INVS: variants seen among roughly 807,000 people sequenced by gnomAD.
INVS encodes the protein inversion of embryo turning homolog.
INVS carries 86 observed loss-of-function variants against 108.8 expected under a neutral mutation model. The observed-to-expected ratio is 0.79, with a 90% CI of 0.66 to 0.95. INVS has a LOEUF of 0.95. INVS is among the 40% of genes least tolerant of loss of function. The pLI is 0.00. For missense variants in INVS, 1,169 were observed against 1,297.4 expected (o/e 0.90, Z 1.52); for synonymous variants, 455 against 473.5 (o/e 0.96, Z 0.51).
At chr9:100,267,512 T>G (rs1339340694) in intron 11 of INVS, among the ~76,000 whole-genome samples, 1 of 152,236 alleles carries the variant, frequency 6.6e-6, no homozygotes, top group Non-Finnish European at 1.5e-5. Flanking sequence ...CCACATTGTT[T>G]CTTGGTTGGT....
intron 3 of INVS, among the ~76,000 whole-genome samples, chr9:100,199,357 A>C (rs542097482): frequency 6.6e-6 from 1 of 152,304 alleles, no homozygotes; most frequent in South Asian, 2.1e-4. Context: ...TTGAAACATT[A>C]GTCCATTTAC....
chr9:100,156,257 C>T (rs1224782669), intron 3 of INVS, among the ~76,000 whole-genome samples: 2 of 124,714 alleles, frequency 1.6e-5, no homozygotes, highest in Non-Finnish European at 1.6e-5. Flanking sequence ...GTTAGGAATA[C>T]TTTTTTTTTT....
At chr9:100,150,939 G>T (rs1828789604) in intron 3 of INVS, among the ~76,000 whole-genome samples, 1 of 152,160 alleles carries the variant, frequency 6.6e-6, no homozygotes, top group South Asian at 2.1e-4. Context: ...AGAGGGGATG[G>T]CTGGGGAGGA....
chr9:100,203,501 CTT>C (rs34618293), intron 3 of INVS, among the ~76,000 whole-genome samples: 4 of 123,088 alleles, frequency 3.2e-5, no homozygotes, highest in Admixed American at 8.5e-5. Context: ...CCAAAGCTTC[CTT>C]TTTTTTTTTT....
At chr9:100,210,384 A>G (rs1470025243) in intron 3 of INVS, among the ~76,000 whole-genome samples, 1 of 152,210 alleles carries the variant, frequency 6.6e-6, no homozygotes, top group Non-Finnish European at 1.5e-5. Flanking sequence ...CTGTCTTTAT[A>G]TAGCACTTTA....
At chr9:100,135,578 C>T (rs1203934283) in intron 3 of INVS, among the ~76,000 whole-genome samples, 1 of 152,178 alleles carries the variant, frequency 6.6e-6, no homozygotes, top group African/African-American at 2.4e-5. Context: ...GCTCCATAAC[C>T]TCTAGATACC....
chr9:100,237,745 A>G (rs1348117585), intron 5 of INVS, among the ~76,000 whole-genome samples: 1 of 151,808 alleles, frequency 6.6e-6, no homozygotes, highest in Non-Finnish European at 1.5e-5. Flanking sequence ...TGCAGAAATC[A>G]CTCACCTTCT....
intron 3 of INVS, chr9:100,131,040 A>G (rs962542627): frequency 2.0e-5 from 3 of 152,124 alleles, no homozygotes; most frequent in African/African-American, 7.2e-5. Context: ...GTATTATGTT[A>G]TCTTTTCTTG....
At chr9:100,222,099 G>A (rs186052482) in intron 3 of INVS, among the ~76,000 whole-genome samples, 6 of 152,206 alleles carry the variant, frequency 3.9e-5, no homozygotes, top group East Asian at 1.9e-4. Context: ...ATCACTAGCT[G>A]AACTGTGTAT....
At chr9:100,211,367 G>T (rs1467553726) in intron 3 of INVS, among the ~76,000 whole-genome samples, 1 of 151,844 alleles carries the variant, frequency 6.6e-6, no homozygotes, top group Non-Finnish European at 1.5e-5. Flanking sequence ...TATATAAAAG[G>T]CTCTCCAATG....
chr9:100,260,569 A>G (rs1832591539), intron 10 of INVS, among the ~76,000 whole-genome samples: 1 of 152,214 alleles, frequency 6.6e-6, no homozygotes, highest in Non-Finnish European at 1.5e-5. Context: ...CTTTTTAATT[A>G]TCATGAATGC....
intron 2 of INVS, among the ~76,000 whole-genome samples, chr9:100,115,492 C>T (rs1261048901): frequency 6.6e-6 from 1 of 151,792 alleles, no homozygotes; most frequent in Admixed American, 6.6e-5. Flanking sequence ...GTGTGATGTT[C>T]CCCTTCCTGT....
At chr9:100,252,253 G>C in intron 8 of INVS, 30 bp from the exon 9 acceptor site, 1 of 1,612,102 alleles carries the variant, frequency 6.2e-7, no homozygotes, top group Non-Finnish European at 8.5e-7. Context: ...TTATTGACTA[G>C]TTCATCACTT....
At chr9:100,174,601 A>G (rs1219700319) in intron 3 of INVS, among the ~76,000 whole-genome samples, 4 of 151,958 alleles carry the variant, frequency 2.6e-5, no homozygotes, top group Non-Finnish European at 4.4e-5. Context: ...AACGTAATGA[A>G]CTCCAATAAG....
intron 14 of INVS, among the ~76,000 whole-genome samples, chr9:100,293,685 CAG>C (rs1833698129): frequency 6.6e-6 from 1 of 152,182 alleles, no homozygotes; most frequent in South Asian, 2.1e-4. Flanking sequence ...AAGCCTGAAA[CAG>C]ACTCCCAATA....
intron 3 of INVS, among the ~76,000 whole-genome samples, chr9:100,194,616 G>C (rs142272355): frequency 4.6e-4 from 70 of 151,556 alleles, no homozygotes; most frequent in African/African-American, 1.5e-3. Context: ...AATTTAAATA[G>C]AAGTGATTAG....
intron 1 of INVS, among the ~76,000 whole-genome samples, chr9:100,100,824 TA>T (rs1826885943): frequency 2.3e-5 from 1 of 43,916 alleles, no homozygotes; most frequent in African/African-American, 8.8e-5. Flanking sequence ...ATATATAATA[TA>T]TGTATATATA....
intron 3 of INVS, among the ~76,000 whole-genome samples, chr9:100,153,370 A>G (rs865815652): frequency 1.3e-5 from 2 of 152,312 alleles, no homozygotes; most frequent in South Asian, 2.1e-4. Context: ...CAATGATCCT[A>G]TAAAAATGAG....
chr9:100,100,589 A>ATATATGTATATATAATATATATT (rs1491373775), intron 1 of INVS, among the ~76,000 whole-genome samples: 1 of 94,648 alleles, frequency 1.1e-5, no homozygotes, highest in African/African-American at 4.5e-5. Flanking sequence ...TAATATATAT[A>ATATATGTATATATAATATATATT]ATATATGTAC....
Sources: allele counts gnomAD v4.1 joint callset (sites outside exome capture counted in the v4.1 genomes callset), GRCh38; gene constraint gnomAD v4.1.1; transcripts MANE v1.5; gene names NCBI Gene and HGNC (gene_info 2026-07-23, HGNC 2026-07-21).